IL1RAPL1: variants seen among roughly 807,000 people sequenced by gnomAD.
IL1RAPL1 encodes the protein interleukin 1 receptor accessory protein like 1.
In IL1RAPL1, 3 loss-of-function variants were observed where a neutral mutation model predicts 48.4. The observed-to-expected ratio is 0.06, with a 90% CI of 0.03 to 0.16. IL1RAPL1 has a LOEUF of 0.16. Among genes scored for constraint, IL1RAPL1 ranks in the 10% least tolerant of loss-of-function variants. The pLI, the probability that IL1RAPL1 is intolerant of heterozygous loss-of-function variation, is 1.00. For missense variants in IL1RAPL1, 349 were observed against 530.6 expected, an observed-to-expected ratio of 0.66 and a Z score of 3.36; for synonymous variants, 185 against 187.7, an observed-to-expected ratio of 0.99 and a Z score of 0.12.
At chrX:29,349,558 A>G (rs1357619371) in intron 3 of IL1RAPL1, among the ~76,000 whole-genome samples, 1 of 111,383 alleles carries the variant, frequency 9.0e-6, no homozygotes, top group Non-Finnish European at 1.9e-5. Context: ...TGAGGCTTTC[A>G]TTTTGGGGCA....
At chrX:28,899,211 A>G (rs1366547952) in intron 2 of IL1RAPL1, among the ~76,000 whole-genome samples, 1 of 111,539 alleles carries the variant, frequency 9.0e-6, no homozygotes, top group East Asian at 2.8e-4. Flanking sequence ...GCATGGGGGA[A>G]GCAGCCCCCA....
At chrX:29,516,316 T>C (rs184951952) in intron 5 of IL1RAPL1, among the ~76,000 whole-genome samples, 1 of 112,016 alleles carries the variant, frequency 8.9e-6, no homozygotes, top group East Asian at 2.8e-4. Context: ...CAAAATAGTA[T>C]ATATGCCATA....
At chrX:29,574,772 A>G (rs1167911402) in intron 5 of IL1RAPL1, among the ~76,000 whole-genome samples, 1 of 111,666 alleles carries the variant, frequency 9.0e-6, no homozygotes, top group Non-Finnish European at 1.9e-5. Context: ...TTGCTCATGC[A>G]TATGCTGTTA....
At chrX:29,382,351 C>T (rs1933722593) in intron 3 of IL1RAPL1, among the ~76,000 whole-genome samples, 3 of 111,748 alleles carry the variant, frequency 2.7e-5, no homozygotes, top group African/African-American at 9.8e-5. Flanking sequence ...ACAGTAAAGC[C>T]ATTTCAGTTC....
chrX:28,595,755 AAAATTTG>A (rs1204590271), intron 1 of IL1RAPL1, among the ~76,000 whole-genome samples: 1 of 112,010 alleles, frequency 8.9e-6, no homozygotes, highest in Non-Finnish European at 1.9e-5. Context: ...GCCAAGGGAG[AAAATTTG>A]AATGTAACAA....
chrX:29,532,198 T>A (rs755590869), intron 5 of IL1RAPL1, among the ~76,000 whole-genome samples: 5 of 112,010 alleles, frequency 4.5e-5, no homozygotes, highest in Non-Finnish European at 7.5e-5. Flanking sequence ...GAGTGTTTAT[T>A]TCCCTGCCCC....
chrX:29,141,713 G>A (rs1929246792), intron 2 of IL1RAPL1, among the ~76,000 whole-genome samples: 1 of 111,725 alleles, frequency 9.0e-6, no homozygotes, highest in South Asian at 3.7e-4. Context: ...CATAGTTTAT[G>A]TATTTATTAC....
At chrX:29,943,043 A>T (rs1380370308) in intron 9 of IL1RAPL1, among the ~76,000 whole-genome samples, 2 of 111,392 alleles carry the variant, frequency 1.8e-5, no homozygotes, top group Non-Finnish European at 3.8e-5. Flanking sequence ...TAATAAATCC[A>T]CAAGCAAAAC....
intron 6 of IL1RAPL1, among the ~76,000 whole-genome samples, chrX:29,774,141 C>T (rs1206396401): frequency 9.2e-6 from 1 of 108,734 alleles, no homozygotes; most frequent in Non-Finnish European, 1.9e-5. Context: ...CTCTCCGCCA[C>T]CCCCCTCCCC....
At chrX:29,848,293 T>G (rs1931288508) in intron 6 of IL1RAPL1, among the ~76,000 whole-genome samples, 1 of 111,643 alleles carries the variant, frequency 9.0e-6, no homozygotes, top group Non-Finnish European at 1.9e-5. Context: ...TTTAATTGTT[T>G]TCTGTCATAG....
At chrX:29,220,038 A>G (rs1190817122) in intron 2 of IL1RAPL1, among the ~76,000 whole-genome samples, 1 of 111,201 alleles carries the variant, frequency 9.0e-6, no homozygotes, top group Admixed American at 9.6e-5. Flanking sequence ...ATAGGGAGAG[A>G]GGAATTCTGG....
At chrX:29,943,922 T>TA (rs1294986443) in intron 9 of IL1RAPL1, among the ~76,000 whole-genome samples, 1 of 111,942 alleles carries the variant, frequency 8.9e-6, no homozygotes, top group African/African-American at 3.3e-5. Flanking sequence ...CTCAGTTTTT[T>TA]AAAAAATGTT....
intron 5 of IL1RAPL1, among the ~76,000 whole-genome samples, chrX:29,444,736 C>G (rs1934592235): frequency 9.0e-6 from 1 of 111,626 alleles, no homozygotes; most frequent in Non-Finnish European, 1.9e-5. Context: ...TTATAATGAT[C>G]TCAACGAGAG....
intron 5 of IL1RAPL1, among the ~76,000 whole-genome samples, chrX:29,471,156 C>T (rs1379739178): frequency 1.8e-5 from 2 of 109,834 alleles, no homozygotes; most frequent in East Asian, 5.7e-4. Flanking sequence ...GTGATCTGGG[C>T]TTTTTCCAAA....
At chrX:29,426,082 C>G (rs1288088875) in intron 5 of IL1RAPL1, among the ~76,000 whole-genome samples, 2 of 111,623 alleles carry the variant, frequency 1.8e-5, no homozygotes, top group Non-Finnish European at 3.8e-5. Flanking sequence ...TCAATACACT[C>G]AGTCCAGTGA....
intron 6 of IL1RAPL1, among the ~76,000 whole-genome samples, chrX:29,856,329 C>T (rs1480002538): frequency 1.8e-5 from 2 of 111,538 alleles, no homozygotes; most frequent in Non-Finnish European, 3.8e-5. Context: ...TACTTAAATC[C>T]GTCAGTACCT....
chrX:29,803,258 C>T lies in IL1RAPL1; in HGVS notation c.779-114206C>T, dbSNP rs186906590. ...ATGTATATATGTATACATATACACA[C>T]ATGTATATATGTATACATATACACA... is the stretch of plus-strand genomic sequence containing the variant. On this transcript the variant is annotated intron_variant, in intron 6 of 10. Transcript: ENST00000378993. Among the ~76,000 whole-genome samples, 154 of 29,838 alleles carry T rather than the reference C, an allele frequency of 5.2e-3. 13 individuals are homozygous for T. Among genetic ancestry groups the T allele is most frequent in the Admixed American group, 9.8e-3 (35 of 3,565 alleles). The allele number at this position is 29,838 out of a possible 115,157, so 25.9% of individuals were successfully genotyped here.
chrX:29,490,420 C>T (rs1935143941), intron 5 of IL1RAPL1, among the ~76,000 whole-genome samples: 1 of 110,416 alleles, frequency 9.1e-6, no homozygotes, highest in Non-Finnish European at 1.9e-5. Context: ...GTAATCCCAG[C>T]TACATGGGTG....
intron 2 of IL1RAPL1, among the ~76,000 whole-genome samples, chrX:29,157,957 A>G (rs1183295325): frequency 2.7e-5 from 3 of 111,855 alleles, no homozygotes; most frequent in Non-Finnish European, 5.6e-5. Flanking sequence ...TCTTTTTTAA[A>G]TAAAAAGTAT....
Sources: allele counts gnomAD v4.1 joint callset (sites outside exome capture counted in the v4.1 genomes callset), GRCh38; gene constraint gnomAD v4.1.1; transcripts MANE v1.5; gene names NCBI Gene and HGNC (gene_info 2026-07-23, HGNC 2026-07-21).